The following CAST variants were observed in gnomAD, a reference collection of about 807,000 sequenced individuals.
CAST encodes calpastatin.
CAST carries 76 observed loss-of-function variants against 119.6 expected under a neutral mutation model. The observed-to-expected ratio is 0.64, with a 90% CI of 0.53 to 0.77. CAST has a LOEUF of 0.77. Ranked by LOEUF, CAST falls within the 30% of genes least tolerant of loss-of-function variation. CAST has a pLI of 0.00. For synonymous variants in CAST, 319 were observed against 331.6 expected (o/e 0.96, Z 0.41); for missense variants, 953 against 946.5 (o/e 1.01, Z -0.09).
chr5:96,399,625 T>TA, the CAST span, among the ~76,000 whole-genome samples: 4 of 152,158 alleles, frequency 2.6e-5, no homozygotes, highest in African/African-American at 7.2e-5. Context: ...AGATGCATTT[T>TA]AAAAAAATAG....
Position 96,609,504 on chromosome 5 carries a change from T to G in CAST, c.61-66035T>G, listed in dbSNP as rs145639497. ...GTATGTCTGAGGTGGGGTCTGATAT[T>G]CTGCAGTTCCAACAGGCTCCAACAA... On this transcript the variant is annotated intron_variant, in intron 1 of 11. Transcript: ENST00000505143. 3.4e-3 allele frequency among the ~76,000 whole-genome samples: 516 copies of G among 152,326 alleles called. 3 individuals carry two copies. Among genetic ancestry groups the G allele is most frequent in the African/African-American group, 0.012 (489 of 41,576 alleles).
At chr5:96,455,529 T>C in the CAST span, among the ~76,000 whole-genome samples, 1 of 152,214 alleles carries the variant, frequency 6.6e-6, no homozygotes, top group Non-Finnish European at 1.5e-5. Flanking sequence ...GGAAATCCAT[T>C]TGCTACTTAG....
At chr5:96,542,333 A>C (rs1420491835) in intron 1 of CAST, among the ~76,000 whole-genome samples, 2 of 137,812 alleles carry the variant, frequency 1.5e-5, no homozygotes, top group African/African-American at 5.3e-5. Flanking sequence ...AGACAAAACT[A>C]TTTTTAGTTT....
the CAST span, among the ~76,000 whole-genome samples, chr5:96,488,516 G>T: frequency 4.6e-5 from 7 of 152,274 alleles, no homozygotes; most frequent in Admixed American, 3.9e-4. Context: ...TTTCTTTAAT[G>T]CTTAACAAGG....
At chr5:96,645,822 A>G (rs1748007936) in intron 1 of CAST, among the ~76,000 whole-genome samples, 1 of 151,654 alleles carries the variant, frequency 6.6e-6, no homozygotes, top group South Asian at 2.1e-4. Context: ...AAAACATAGA[A>G]ACTTGAAAGG....
chr5:96,668,545 A>C (rs905010018), intron 1 of CAST, among the ~76,000 whole-genome samples: 1 of 152,224 alleles, frequency 6.6e-6, no homozygotes, highest in Non-Finnish European at 1.5e-5. Context: ...TTGTGTTCTT[A>C]AAATGAACAA....
the CAST span, among the ~76,000 whole-genome samples, chr5:96,165,160 C>A: frequency 2.0e-5 from 3 of 151,654 alleles, no homozygotes; most frequent in African/African-American, 7.3e-5. Flanking sequence ...GACATGACAC[C>A]TCGGCAGATT....
the CAST span, among the ~76,000 whole-genome samples, chr5:96,071,501 T>A: frequency 5.3e-5 from 8 of 152,164 alleles, no homozygotes; most frequent in Non-Finnish European, 1.2e-4. Flanking sequence ...AATGGCACTG[T>A]CATTTTCCCC....
chr5:96,189,752 A>G, the CAST span, among the ~76,000 whole-genome samples: 3 of 152,004 alleles, frequency 2.0e-5, no homozygotes, highest in African/African-American at 7.2e-5. Context: ...TGATTTTTGC[A>G]TTGGAAAAAA....
At chr5:96,459,149 A>G in the CAST span, among the ~76,000 whole-genome samples, 3 of 152,096 alleles carry the variant, frequency 2.0e-5, no homozygotes, top group Non-Finnish European at 4.4e-5. Flanking sequence ...TGCTTAATCC[A>G]TGGAAAATGC....
At chr5:96,093,221 A>C in the CAST span, among the ~76,000 whole-genome samples, 1 of 152,188 alleles carries the variant, frequency 6.6e-6, no homozygotes, top group Non-Finnish European at 1.5e-5. Flanking sequence ...CCAATTCTTT[A>C]TTTAGTTATG....
chr5:96,593,575 T>C (rs1175085871), intron 1 of CAST, among the ~76,000 whole-genome samples: 1 of 152,234 alleles, frequency 6.6e-6, no homozygotes, highest in Non-Finnish European at 1.5e-5. Context: ...ACATGCAATA[T>C]GTGTGCAATG....
chr5:96,407,326 C>A, the CAST span, among the ~76,000 whole-genome samples: 1 of 152,084 alleles, frequency 6.6e-6, no homozygotes, highest in Non-Finnish European at 1.5e-5. Context: ...CCCCAGAAGA[C>A]AAAGAGCTGA....
chr5:96,419,601 T>TC, the CAST span, among the ~76,000 whole-genome samples: 1 of 151,590 alleles, frequency 6.6e-6, no homozygotes, highest in East Asian at 1.9e-4. Flanking sequence ...TAAATTTGGC[T>TC]CCCAAGTCTG....
chr5:96,187,587 T>C, the CAST span, among the ~76,000 whole-genome samples: 1 of 152,206 alleles, frequency 6.6e-6, no homozygotes, highest in African/African-American at 2.4e-5. Flanking sequence ...TTTTCTATCT[T>C]AATTTCATTG....
intron 1 of CAST, among the ~76,000 whole-genome samples, chr5:96,578,192 G>A (rs533252392): frequency 4.7e-4 from 72 of 151,952 alleles, no homozygotes; most frequent in Admixed American, 1.8e-3. Flanking sequence ...TTTGTTGTTA[G>A]CAATTTTCTT....
chr5:96,770,883 A>T (rs1772062045), intron 30 of CAST, among the ~76,000 whole-genome samples: 2 of 152,102 alleles, frequency 1.3e-5, no homozygotes, highest in African/African-American at 2.4e-5. Context: ...CCACCATAGT[A>T]TGTGGTTTAT....
At chr5:96,371,338 T>C in the CAST span, among the ~76,000 whole-genome samples, 22 of 152,208 alleles carry the variant, frequency 1.4e-4, no homozygotes, top group Non-Finnish European at 2.8e-4. Flanking sequence ...CTCATGTAGA[T>C]GCTGTACTAA....
chr5:96,269,780 G>T, the CAST span, among the ~76,000 whole-genome samples: 2 of 152,164 alleles, frequency 1.3e-5, no homozygotes, highest in Middle Eastern at 3.4e-3. Flanking sequence ...TCAAAGAAAA[G>T]CCCAAGACCT....
Sources: allele counts gnomAD v4.1 joint callset (sites outside exome capture counted in the v4.1 genomes callset), GRCh38; gene constraint gnomAD v4.1.1; transcripts MANE v1.5; gene names NCBI Gene and HGNC (gene_info 2026-07-23, HGNC 2026-07-21).